Variants in ZNF782 observed in about 807,000 individuals in gnomAD.
The protein encoded by ZNF782 is zinc finger protein 782.
ZNF782 carries 12 observed loss-of-function variants against 13.0 expected under a neutral mutation model. The ratio of observed to expected loss-of-function variants is 0.92; its 90% CI spans 0.59 to 1.50. The LOEUF is 1.50. Among genes scored for constraint, ZNF782 ranks in the 40% most tolerant of loss-of-function variants. ZNF782 has a pLI of 0.00. For synonymous variants in ZNF782, 284 were observed against 283.0 expected, an observed-to-expected ratio of 1.00 and a Z score of -0.04; for missense variants, 770 against 822.9, an observed-to-expected ratio of 0.94 and a Z score of 0.79.
At chr9:96,880,166 AGTTTT>A (rs762101063), upstream of ZNF782, among the ~76,000 whole-genome samples, 20 of 151,862 alleles carry the variant, frequency 1.3e-4, no homozygotes, top group South Asian at 2.1e-4. Context: ...CCCACTTATT[AGTTTT>A]AAGATTTTTT....
chr9:96,917,843 C>T, the ZNF782 span, among the ~76,000 whole-genome samples: 1 of 149,918 alleles, frequency 6.7e-6, no homozygotes, highest in African/African-American at 2.5e-5. Flanking sequence ...CCTGCCTCAG[C>T]TTCCTGAGTA....
chr9:96,871,860 G>A (rs1023101573), intron 1 of ZNF782, among the ~76,000 whole-genome samples: 3 of 152,118 alleles, frequency 2.0e-5, no homozygotes, highest in Non-Finnish European at 1.5e-5. Context: ...TTTATAAAGT[G>A]CCCTTTTCTC....
At chr9:96,820,047 T>C (rs1302095431) in intron 5 of ZNF782, among the ~76,000 whole-genome samples, 2 of 152,148 alleles carry the variant, frequency 1.3e-5, no homozygotes, top group African/African-American at 2.4e-5. Context: ...GAGAAGAGGA[T>C]ATAAATCAAC....
At chr9:96,901,319 T>C in the ZNF782 span, among the ~76,000 whole-genome samples, 1 of 145,758 alleles carries the variant, frequency 6.9e-6, no homozygotes. Flanking sequence ...TTGCCCAAGC[T>C]GGAGTGCAGT....
At chr9:96,866,861 C>T (rs1011416576) in intron 1 of ZNF782, among the ~76,000 whole-genome samples, 1 of 152,230 alleles carries the variant, frequency 6.6e-6, no homozygotes, top group East Asian at 1.9e-4. Context: ...GACTGCCCTG[C>T]TGGATTTCGG....
intron 1 of ZNF782, among the ~76,000 whole-genome samples, chr9:96,867,602 T>C (rs1851773960): frequency 6.6e-6 from 1 of 152,228 alleles, no homozygotes; most frequent in African/African-American, 2.4e-5. Context: ...TCTTTGATCT[T>C]TCCGCTTTCC....
chr9:96,894,181 T>TG, the ZNF782 span: 1 of 151,894 alleles, frequency 6.6e-6, no homozygotes, highest in Non-Finnish European at 1.5e-5. Context: ...CATCACACAC[T>TG]GGGGCCTGTT....
At chr9:96,825,643 T>C (rs1413119557) in intron 5 of ZNF782, among the ~76,000 whole-genome samples, 1 of 152,042 alleles carries the variant, frequency 6.6e-6, no homozygotes, top group Non-Finnish European at 1.5e-5. Context: ...GAGAAAATTT[T>C]CGCAACCTAC....
At position 96,819,551 on chromosome 9, in the gene ZNF782, A is replaced by C; in HGVS notation, c.472T>G (p.Ser158Ala). 2 of 1,612,780 alleles carry C rather than the reference A, an allele frequency of 1.2e-6. No homozygotes were observed. The highest frequency in any genetic ancestry group is 1.3e-5 in the African/African-American group (1 of 74,904). The change falls in exon 6 of 6, where the codon TCA (serine) becomes GCA (alanine). Residue 158 changes from serine to alanine, a missense_variant. Ser to Ala is a moderately conservative substitution (Grantham distance 99). Transcript: ENST00000481138. ...TTACGCTCATGAGCCTTTTCTTTTG[A>C]ATACTGACAGTGTGGGGCCATCAGG... ...LSLMAPHCQY[S>A]KEKAHERNVC...
the ZNF782 span, among the ~76,000 whole-genome samples, chr9:96,912,816 T>C: frequency 2.0e-5 from 3 of 151,778 alleles, no homozygotes; most frequent in South Asian, 6.2e-4. Flanking sequence ...CGTGAGCCAC[T>C]GCGCCCGGCC....
In ZNF782 at chr9:96,819,240, A is replaced by G. The variant is rs757737457; in HGVS notation, c.783T>C (p.Pro261=). ...GACTCTTCTCTGGATTCATGTTCTG[A>G]GGAATAATAAAGGTTGATTTATCAT... ...NKYDKSTFII[P]QNMNPEKSHY... The change falls in exon 6 of 6, where the codon CCT becomes CCC. Residue 261 remains proline, a synonymous_variant. Coordinates refer to ENST00000481138, the MANE Select transcript of ZNF782 (RefSeq NM_001001662.3). 6.2e-7 allele frequency: 1 copy of G among 1,610,734 alleles called. No homozygotes were observed. The highest frequency in any genetic ancestry group is 2.2e-5 in the East Asian group (1 of 44,858).
the ZNF782 span, among the ~76,000 whole-genome samples, chr9:96,926,504 G>T: frequency 6.6e-5 from 10 of 152,236 alleles, 1 homozygote; most frequent in African/African-American, 2.4e-4. Context: ...AGGCAGCTCT[G>T]TCTCGGAGGA....
chr9:96,881,922 T>C, the ZNF782 span, among the ~76,000 whole-genome samples: 1 of 152,076 alleles, frequency 6.6e-6, no homozygotes, highest in Non-Finnish European at 1.5e-5. Flanking sequence ...CACATAAATG[T>C]TAAGCCTTCC....
intron 4 of ZNF782, among the ~76,000 whole-genome samples, chr9:96,841,241 A>C (rs1851179664): frequency 6.6e-6 from 1 of 151,954 alleles, no homozygotes; most frequent in East Asian, 1.9e-4. Flanking sequence ...GACTTAAATA[A>C]ATTGATTTGT....
At chr9:96,825,329 G>A (rs1416811498) in intron 5 of ZNF782, among the ~76,000 whole-genome samples, 1 of 148,694 alleles carries the variant, frequency 6.7e-6, no homozygotes, top group African/African-American at 2.5e-5. Flanking sequence ...TTAATAAATG[G>A]TGCTGGGAAA....
chr9:96,823,695 CG>C (rs1371891035), intron 5 of ZNF782, among the ~76,000 whole-genome samples: 6 of 152,064 alleles, frequency 3.9e-5, no homozygotes, highest in African/African-American at 1.4e-4. Context: ...AATTCATAAC[CG>C]TATTTTGAAC....
chr9:96,882,097 C>T, the ZNF782 span, among the ~76,000 whole-genome samples: 3 of 151,584 alleles, frequency 2.0e-5, no homozygotes, highest in African/African-American at 4.8e-5. Context: ...AGTGTTCAGG[C>T]TTTCAATAGT....
the ZNF782 span, among the ~76,000 whole-genome samples, chr9:96,905,841 C>T: frequency 2.0e-5 from 3 of 152,362 alleles, no homozygotes; most frequent in South Asian, 6.2e-4. Flanking sequence ...GCCTCGGCCT[C>T]CCAAAGTGCT....
intron 1 of ZNF782, among the ~76,000 whole-genome samples, chr9:96,872,374 T>C (rs1470274166): frequency 6.6e-6 from 1 of 151,954 alleles, no homozygotes; most frequent in Non-Finnish European, 1.5e-5. Flanking sequence ...CTACTAAAAA[T>C]ACAGAAATTA....
Sources: gnomAD v4.1 joint callset for allele counts (sites outside exome capture counted in the v4.1 genomes callset) on GRCh38, gnomAD v4.1.1 for gene constraint, MANE v1.5 for transcripts, NCBI Gene and HGNC (gene_info 2026-07-23, HGNC 2026-07-21) for gene names.